Variants in SPIRE1 observed in about 807,000 individuals in gnomAD.
SPIRE1 encodes spire type actin nucleation factor 1.
In SPIRE1, 40 loss-of-function variants were observed where a neutral mutation model predicts 94.1. The ratio of observed to expected loss-of-function variants is 0.43; its 90% confidence interval spans 0.33 to 0.55. The LOEUF is 0.55. Among genes scored for constraint, SPIRE1 ranks in the 20% least tolerant of loss-of-function variants. The pLI is 0.06. For missense variants in SPIRE1, 838 were observed against 975.2 expected, an observed-to-expected ratio of 0.86 and a Z score of 1.87; for synonymous variants, 376 against 371.7, an observed-to-expected ratio of 1.01 and a Z score of -0.13.
Position 12,446,974 on chromosome 18 carries a change from C to T in SPIRE1, c.*2664G>A, listed in dbSNP as rs1207300860. On this transcript the variant is annotated 3_prime_UTR_variant, in exon 17 of 17. Coordinates refer to ENST00000409402, the MANE Select transcript of SPIRE1 (RefSeq NM_001128626.2). Reference sequence around the variant, plus strand: ...ACGTCAATCATTCATTTTCACTTGCCTTGGGAGAGTTAATTCCCACTGTCC... The same window carrying T: ...ACGTCAATCATTCATTTTCACTTGCTTTGGGAGAGTTAATTCCCACTGTCC... 1 of 152,102 alleles carries T rather than the reference C, an allele frequency of 6.6e-6. No homozygotes were observed. Among genetic ancestry groups the T allele is most frequent in the African/African-American group, 2.4e-5 (1 of 41,414 alleles). 9.4% of individuals were successfully genotyped at this position (152,102 alleles called of 1,614,324 possible).
intron 3 of SPIRE1, among the ~76,000 whole-genome samples, chr18:12,538,055 T>C (rs2034894374): frequency 6.6e-6 from 1 of 151,980 alleles, no homozygotes; most frequent in African/African-American, 2.4e-5. Flanking sequence ...AATTTAGAGA[T>C]CAGGAAACTG....
rs566602256 is a variant in SPIRE1, at chr18:12,453,313, C to G, written c.1777-175G>C. ...GCTCTGTGATGCTGATAATGTAGCT[C>G]TGTATTTAATTATAATTCTATTTTA... On this transcript the variant is annotated intron_variant, in intron 13 of 16. Coordinates refer to ENST00000409402, the MANE Select transcript of SPIRE1 (RefSeq NM_001128626.2). 2.6e-4 allele frequency among the ~76,000 whole-genome samples: 40 copies of G among 152,188 alleles called. 1 individual carries two copies. The highest frequency in any genetic ancestry group is 1.6e-3 in the Admixed American group (24 of 15,278).
At chr18:12,542,231 T>C (rs2035035293) in intron 3 of SPIRE1, among the ~76,000 whole-genome samples, 2 of 152,108 alleles carry the variant, frequency 1.3e-5, no homozygotes, top group African/African-American at 4.8e-5. Flanking sequence ...CACCTCAGCC[T>C]CCCAAAGTGC....
intron 2 of SPIRE1, among the ~76,000 whole-genome samples, chr18:12,631,714 A>G (rs1243060657): frequency 6.6e-6 from 1 of 152,070 alleles, no homozygotes; most frequent in East Asian, 1.9e-4. Flanking sequence ...AAAATACAAA[A>G]ATTAGCCGGG....
chr18:12,485,386 T>G (rs190993188), intron 9 of SPIRE1, among the ~76,000 whole-genome samples: 51 of 152,310 alleles, frequency 3.3e-4, no homozygotes, highest in Middle Eastern at 3.4e-3. Flanking sequence ...ATTACAGGCG[T>G]GAGCCACCGC....
intron 2 of SPIRE1, among the ~76,000 whole-genome samples, chr18:12,565,668 C>A (rs2035798884): frequency 6.6e-6 from 1 of 151,920 alleles, no homozygotes; most frequent in Admixed American, 6.6e-5. Context: ...GCCACTGCGC[C>A]CGGCCAAGAC....
chr18:12,590,343 G>A (rs988430355), intron 2 of SPIRE1, among the ~76,000 whole-genome samples: 3 of 152,064 alleles, frequency 2.0e-5, no homozygotes, highest in African/African-American at 7.2e-5. Flanking sequence ...ACCTGCCTTG[G>A]CCTCCCAAAG....
At chr18:12,491,399 T>C (rs979373837) in intron 8 of SPIRE1, among the ~76,000 whole-genome samples, 6 of 151,810 alleles carry the variant, frequency 4.0e-5, no homozygotes, top group African/African-American at 1.5e-4. Flanking sequence ...CAATATATTA[T>C]AAAGTTACAA....
intron 2 of SPIRE1, among the ~76,000 whole-genome samples, chr18:12,577,304 C>T (rs1041285603): frequency 5.9e-5 from 9 of 152,014 alleles, no homozygotes; most frequent in South Asian, 2.1e-4. Context: ...CCCGCCACCA[C>T]GCCCAGCTAA....
intron 2 of SPIRE1, among the ~76,000 whole-genome samples, chr18:12,549,375 TAACC>T (rs1163452683): frequency 6.6e-6 from 1 of 151,464 alleles, no homozygotes; most frequent in Non-Finnish European, 1.5e-5. Flanking sequence ...TGGATGACTC[TAACC>T]ATCCATATAA....
intron 2 of SPIRE1, among the ~76,000 whole-genome samples, chr18:12,601,069 G>A (rs1356015920): frequency 5.3e-5 from 8 of 152,124 alleles, no homozygotes; most frequent in Admixed American, 5.2e-4. Flanking sequence ...GACTTGGCCA[G>A]TGGGCAGTCC....
At chr18:12,581,778 C>T (rs747537241) in intron 2 of SPIRE1, among the ~76,000 whole-genome samples, 35 of 152,004 alleles carry the variant, frequency 2.3e-4, no homozygotes, top group Admixed American at 2.0e-3. Flanking sequence ...GCATGAGAAT[C>T]GCTAGAACCC....
At chr18:12,533,643 T>G (rs992793212) in intron 4 of SPIRE1, among the ~76,000 whole-genome samples, 1 of 152,178 alleles carries the variant, frequency 6.6e-6, no homozygotes, top group Non-Finnish European at 1.5e-5. Context: ...CTTTAAGAGC[T>G]CATTTAATTT....
chr18:12,580,484 C>T (rs898817782), intron 2 of SPIRE1, among the ~76,000 whole-genome samples: 3 of 151,988 alleles, frequency 2.0e-5, no homozygotes, highest in Non-Finnish European at 4.4e-5. Flanking sequence ...CCACCATGCC[C>T]GGCTAATTTT....
upstream of SPIRE1, chr18:12,661,450 G>T: frequency 1.7e-6 from 1 of 595,406 alleles, no homozygotes; most frequent in Non-Finnish European, 2.1e-6. Flanking sequence ...TAACAGCACT[G>T]TCCCATTTTC....
intron 3 of SPIRE1, among the ~76,000 whole-genome samples, chr18:12,545,560 T>A (rs1478102768): frequency 6.6e-6 from 1 of 152,224 alleles, no homozygotes; most frequent in Non-Finnish European, 1.5e-5. Flanking sequence ...GAAAACAGAA[T>A]GCTTTTATGG....
chr18:12,489,603 T>C (rs765863026), intron 8 of SPIRE1, among the ~76,000 whole-genome samples: 16 of 152,162 alleles, frequency 1.1e-4, no homozygotes, highest in Non-Finnish European at 1.0e-4. Flanking sequence ...TGTACAAGAA[T>C]AGTAATTTCA....
intron 10 of SPIRE1, among the ~76,000 whole-genome samples, chr18:12,467,860 A>C (rs573307191): frequency 2.2e-4 from 34 of 152,332 alleles, no homozygotes; most frequent in African/African-American, 7.7e-4. Context: ...GAGGCATGAG[A>C]ATCACTTGAA....
chr18:12,533,878 T>A (rs1488803297), intron 4 of SPIRE1, among the ~76,000 whole-genome samples: 1 of 151,696 alleles, frequency 6.6e-6, no homozygotes, highest in Non-Finnish European at 1.5e-5. Flanking sequence ...ACTTTGAAGC[T>A]TTTAATCAGA....
Sources: allele counts gnomAD v4.1 joint callset (sites outside exome capture counted in the v4.1 genomes callset), GRCh38; gene constraint gnomAD v4.1.1; transcripts MANE v1.5; gene names NCBI Gene and HGNC (gene_info 2026-07-23, HGNC 2026-07-21).